DGKI: variants seen among roughly 807,000 people sequenced by gnomAD.
DGKI encodes diacylglycerol kinase iota, also known as DAG kinase iota.
DGKI carries 55 observed loss-of-function variants against 147.5 expected under a neutral mutation model. That is an observed-to-expected ratio of 0.37 (90% CI 0.30 to 0.47). The LOEUF (loss-of-function observed/expected upper bound fraction) is 0.47. Among genes scored for constraint, DGKI ranks in the 20% least tolerant of loss-of-function variants. The pLI is 1.00. For missense variants in DGKI, 1,007 were observed against 1,323.8 expected, an observed-to-expected ratio of 0.76 and a Z score of 3.71; for synonymous variants, 469 against 477.1, an observed-to-expected ratio of 0.98 and a Z score of 0.22.
chr7:137,473,035 A>T, intron 23 of DGKI, among the ~76,000 whole-genome samples: 1 of 152,144 alleles, frequency 6.6e-6, no homozygotes, highest in Middle Eastern at 3.2e-3. Flanking sequence ...AGTCTAGGTT[A>T]GTAAAATCTA....
intron 1 of DGKI, among the ~76,000 whole-genome samples, chr7:137,742,710 AC>A (rs1387519675): frequency 6.6e-6 from 1 of 150,682 alleles, no homozygotes; most frequent in Non-Finnish European, 1.5e-5. Context: ...CAAGAAAGGT[AC>A]TCAGCTACCG....
intron 8 of DGKI, among the ~76,000 whole-genome samples, chr7:137,613,600 C>T (rs1321147413): frequency 1.3e-5 from 2 of 151,462 alleles, no homozygotes; most frequent in African/African-American, 4.8e-5. Context: ...AAGAGATAAA[C>T]CAAAAAAAGG....
chr7:137,493,462 G>T (rs781610421), intron 21 of DGKI, among the ~76,000 whole-genome samples: 48 of 152,232 alleles, frequency 3.2e-4, no homozygotes, highest in Non-Finnish European at 6.3e-4. Context: ...GCCCATCAAG[G>T]CAACAGGTTC....
Position 137,757,258 on chromosome 7 carries a change from G to A in DGKI, c.402-67256C>T, listed in dbSNP as rs1034142964. On this transcript the variant is annotated intron_variant, in intron 1 of 32. Coordinates refer to ENST00000614521, the MANE Select transcript of DGKI (RefSeq NM_001321708.2). ...CAGAGTCAGCAATACCATCCCCATG[G>A]AGACAGAACCCCTTAGTATTTCTCA... 1.7e-4 allele frequency among the ~76,000 whole-genome samples: 26 copies of A among 152,082 alleles called. 1 individual carries two copies. Among genetic ancestry groups the A allele is most frequent in the Non-Finnish European group, 2.9e-5 (2 of 68,024 alleles).
Position 137,384,030 on chromosome 7 carries a change from T to G in DGKI, c.*7190A>C, listed in dbSNP as rs1386143921. The G allele has an allele frequency of 1.3e-5, 2 of 152,056 alleles. No homozygotes were observed. The highest frequency in any genetic ancestry group is 4.8e-5 in the African/African-American group (2 of 41,434). 9.4% of individuals were successfully genotyped at this position (152,056 alleles called of 1,614,324 possible). ...AAACCTCTATGTATATGACTATGTATTATCATAACACTTAGCTTGCATACC... is the reference window on the plus strand; with the variant it reads ...AAACCTCTATGTATATGACTATGTAGTATCATAACACTTAGCTTGCATACC... On this transcript the variant is annotated 3_prime_UTR_variant, in exon 33 of 33. Coordinates refer to ENST00000614521, the MANE Select transcript of DGKI (RefSeq NM_001321708.2).
At chr7:137,752,171 G>C (rs1003082868) in intron 1 of DGKI, among the ~76,000 whole-genome samples, 1 of 152,052 alleles carries the variant, frequency 6.6e-6, no homozygotes, top group Non-Finnish European at 1.5e-5. Flanking sequence ...TAAAAGTTGT[G>C]GGGGGAGCAA....
At chr7:137,720,459 C>T (rs563263558) in intron 1 of DGKI, among the ~76,000 whole-genome samples, 4 of 151,812 alleles carry the variant, frequency 2.6e-5, no homozygotes, top group South Asian at 2.1e-4. Context: ...CGGGTTTCAC[C>T]GTGTTAGCCA....
intron 1 of DGKI, among the ~76,000 whole-genome samples, chr7:137,809,972 G>C (rs941863763): frequency 6.6e-6 from 1 of 152,178 alleles, no homozygotes; most frequent in Non-Finnish European, 1.5e-5. Flanking sequence ...GTTTGCTACG[G>C]CCTTGGCCAT....
At chr7:137,587,010 T>C in intron 13 of DGKI, 87 bp downstream of exon 13, 1 of 965,978 alleles carries the variant, frequency 1.0e-6, no homozygotes, top group Non-Finnish European at 1.5e-6. Flanking sequence ...GCAGCAGCAG[T>C]ACCCCCCTCT....
intron 6 of DGKI, among the ~76,000 whole-genome samples, chr7:137,639,684 G>A (rs954588653): frequency 6.6e-6 from 1 of 152,040 alleles, no homozygotes; most frequent in East Asian, 1.9e-4. Flanking sequence ...AAGAACAAAG[G>A]GCCCCAGGGT....
At chr7:137,619,630 G>T (rs891454539) in intron 8 of DGKI, among the ~76,000 whole-genome samples, 194 bp downstream of exon 8, 2 of 152,166 alleles carry the variant, frequency 1.3e-5, no homozygotes, top group African/African-American at 4.8e-5. Context: ...GGATGGGGAG[G>T]CTGGTTCCAT....
At chr7:137,744,657 A>T (rs1795273018) in intron 1 of DGKI, among the ~76,000 whole-genome samples, 1 of 152,168 alleles carries the variant, frequency 6.6e-6, no homozygotes, top group Admixed American at 6.5e-5. Context: ...AAACACTAGC[A>T]AACTGAATCC....
At chr7:137,504,368 C>A (rs1816291862) in intron 21 of DGKI, among the ~76,000 whole-genome samples, 1 of 152,124 alleles carries the variant, frequency 6.6e-6, no homozygotes, top group South Asian at 2.1e-4. Context: ...TCAATAGGAT[C>A]ATTATAAGAA....
intron 23 of DGKI, among the ~76,000 whole-genome samples, chr7:137,472,421 AC>A (rs1815014973): frequency 3.9e-5 from 3 of 77,856 alleles, no homozygotes; most frequent in South Asian, 3.9e-4. Flanking sequence ...ATATACATAT[AC>A]ATATTATATG....
Position 137,829,556 on chromosome 7 carries a change from A to G in DGKI, c.401+16906T>C, listed in dbSNP as rs560004351. On this transcript the variant is annotated intron_variant, in intron 1 of 32. Coordinates refer to ENST00000614521, the MANE Select transcript of DGKI (RefSeq NM_001321708.2). ...GTCCAGCAGGACAGCTACTAGCTAC[A>G]TAAGGCCCTTATTTACTCAATGTGT... Among the ~76,000 whole-genome samples the G allele has an allele frequency of 1.9e-4, 29 of 152,380 alleles. No individual in the cohort carries two copies. The South Asian group carries it at 5.4e-3, about 28-fold the overall frequency.
intron 20 of DGKI, among the ~76,000 whole-genome samples, chr7:137,533,378 C>T (rs1326727394): frequency 3.3e-5 from 5 of 151,866 alleles, no homozygotes; most frequent in Non-Finnish European, 7.4e-5. Context: ...GCTACAAATA[C>T]TAAAAAGAAA....
At chr7:137,540,743 A>G (rs570392026) in intron 20 of DGKI, among the ~76,000 whole-genome samples, 2 of 145,144 alleles carry the variant, frequency 1.4e-5, no homozygotes, top group East Asian at 4.0e-4. Flanking sequence ...ATTGGAAACA[A>G]ACATTTTAAA....
chr7:137,733,717 T>C (rs1794947277), intron 1 of DGKI, among the ~76,000 whole-genome samples: 1 of 152,070 alleles, frequency 6.6e-6, no homozygotes, highest in Non-Finnish European at 1.5e-5. Flanking sequence ...TGACAGAAGA[T>C]GGTAAGTGCT....
intron 1 of DGKI, among the ~76,000 whole-genome samples, chr7:137,789,893 A>G (rs1796797254): frequency 6.6e-6 from 1 of 152,200 alleles, no homozygotes; most frequent in African/African-American, 2.4e-5. Context: ...TCATAGTACT[A>G]TTACCTAGGT....
Sources: allele counts gnomAD v4.1 joint callset (sites outside exome capture counted in the v4.1 genomes callset), GRCh38; gene constraint gnomAD v4.1.1; transcripts MANE v1.5; gene names NCBI Gene and HGNC (gene_info 2026-07-23, HGNC 2026-07-21).